NKAIN2: variants seen among roughly 807,000 people sequenced by gnomAD.
NKAIN2 encodes sodium/potassium transporting ATPase interacting 2, also known as sodium/potassium-transporting ATPase subunit beta-1-interacting protein 2.
Under a neutral mutation model 32.6 loss-of-function variants are expected in NKAIN2, and 14 were observed. The ratio of observed to expected loss-of-function variants is 0.43; its 90% CI spans 0.28 to 0.67. The LOEUF is 0.67. Among genes scored for constraint, NKAIN2 ranks in the 30% least tolerant of loss-of-function variants. The pLI is 0.17. For synonymous variants in NKAIN2, 80 were observed against 87.2 expected, an observed-to-expected ratio of 0.92 and a Z score of 0.46; for missense variants, 198 against 258.3, an observed-to-expected ratio of 0.77 and a Z score of 1.60.
Position 124,396,428 on chromosome 6 carries a change from T to TA in NKAIN2, c.273+41095dup, listed in dbSNP as rs529161089. ...TAATGAATAAGACCTGCTATTTGAT[T>TA]AAAAAAAAAAAAAAGAAAAGAAAAA... On this transcript the variant is annotated intron_variant, in intron 3 of 6. Transcript: ENST00000368417. Among the ~76,000 whole-genome samples the TA allele has an allele frequency of 5.9e-3, 759 of 129,532 alleles. 7 individuals carry two copies. The highest frequency in any genetic ancestry group is 0.014 in the African/African-American group (509 of 35,234). 85.0% of individuals were successfully genotyped at this position (129,532 alleles called of 152,430 possible). A position where few individuals can be genotyped will look rare whatever the true frequency, so the allele number is the denominator to read the frequency against.
At chr6:124,731,333 T>C (rs907431276) in intron 4 of NKAIN2, among the ~76,000 whole-genome samples, 55 of 151,700 alleles carry the variant, frequency 3.6e-4, no homozygotes, top group African/African-American at 1.3e-3. Context: ...AATGATAGAC[T>C]GGATTAAGAA....
At chr6:124,737,364 C>G (rs1209897062) in intron 4 of NKAIN2, among the ~76,000 whole-genome samples, 1 of 151,814 alleles carries the variant, frequency 6.6e-6, no homozygotes, top group Non-Finnish European at 1.5e-5. Flanking sequence ...CTTGCTGCCA[C>G]CATGTGAAGA....
chr6:124,465,701 A>T (rs1056604021), intron 3 of NKAIN2, among the ~76,000 whole-genome samples: 1 of 151,972 alleles, frequency 6.6e-6, no homozygotes, highest in African/African-American at 2.4e-5. Context: ...ATTGTGCTAT[A>T]GAAACTACAT....
intron 1 of NKAIN2, among the ~76,000 whole-genome samples, chr6:124,044,158 G>A (rs1782010904): frequency 6.6e-6 from 1 of 151,942 alleles, no homozygotes. Flanking sequence ...TAATCTCTAG[G>A]ACTTCTCCAC....
chr6:124,298,182 T>A (rs1384869667), intron 2 of NKAIN2, among the ~76,000 whole-genome samples: 1 of 152,254 alleles, frequency 6.6e-6, no homozygotes, highest in African/African-American at 2.4e-5. Context: ...ATAAAAAAAA[T>A]TACTGAAATA....
intron 1 of NKAIN2, among the ~76,000 whole-genome samples, chr6:124,239,246 A>G (rs1459391703): frequency 2.0e-5 from 3 of 152,188 alleles, no homozygotes; most frequent in Non-Finnish European, 4.4e-5. Flanking sequence ...AACCAGATTC[A>G]TAAAGCAAGT....
chr6:124,801,376 G>C (rs937628035), intron 5 of NKAIN2, among the ~76,000 whole-genome samples: 3 of 152,120 alleles, frequency 2.0e-5, no homozygotes, highest in African/African-American at 7.2e-5. Flanking sequence ...AATATTAGTG[G>C]TCACCTACTG....
At chr6:124,013,073 T>G (rs965839823) in intron 1 of NKAIN2, among the ~76,000 whole-genome samples, 1 of 152,228 alleles carries the variant, frequency 6.6e-6, no homozygotes. Flanking sequence ...TCCATTTCCT[T>G]AATAACTAAC....
At chr6:124,390,080 G>A (rs1057042975) in intron 3 of NKAIN2, among the ~76,000 whole-genome samples, 1 of 152,056 alleles carries the variant, frequency 6.6e-6, no homozygotes, top group South Asian at 2.1e-4. Flanking sequence ...GCTCTGAAAA[G>A]GTACAGTGTT....
intron 1 of NKAIN2, among the ~76,000 whole-genome samples, chr6:123,831,778 C>T (rs959994434): frequency 6.6e-6 from 1 of 151,830 alleles, no homozygotes; most frequent in Admixed American, 6.6e-5. Context: ...GCCTCAGCCT[C>T]CCAAGTAGCT....
intron 3 of NKAIN2, among the ~76,000 whole-genome samples, chr6:124,417,691 A>C (rs1450075170): frequency 6.6e-6 from 1 of 152,154 alleles, no homozygotes; most frequent in Non-Finnish European, 1.5e-5. Flanking sequence ...CTCTTTGTAG[A>C]ACTCATAGGC....
At chr6:124,444,479 T>A (rs1775811412) in intron 3 of NKAIN2, among the ~76,000 whole-genome samples, 1 of 152,048 alleles carries the variant, frequency 6.6e-6, no homozygotes, top group African/African-American at 2.4e-5. Flanking sequence ...GCTTTCAATA[T>A]GCCTTTAAAC....
intron 3 of NKAIN2, among the ~76,000 whole-genome samples, chr6:124,444,396 A>C (rs764006199): frequency 1.4e-4 from 22 of 152,056 alleles, no homozygotes; most frequent in Non-Finnish European, 2.5e-4. Context: ...ATCCAGACTC[A>C]TGTTTAACTA....
At chr6:123,833,442 A>C (rs1774468557) in intron 1 of NKAIN2, among the ~76,000 whole-genome samples, 1 of 152,118 alleles carries the variant, frequency 6.6e-6, no homozygotes. Flanking sequence ...CTTTAGAATC[A>C]ATTTGTTGAT....
intron 1 of NKAIN2, among the ~76,000 whole-genome samples, chr6:124,064,647 G>A (rs1263844911): frequency 6.6e-6 from 1 of 151,972 alleles, no homozygotes; most frequent in African/African-American, 2.4e-5. Context: ...ATCTGTATGT[G>A]GTAACATTTG....
intron 3 of NKAIN2, among the ~76,000 whole-genome samples, chr6:124,374,090 A>G (rs1355474471): frequency 1.3e-5 from 2 of 152,094 alleles, no homozygotes; most frequent in African/African-American, 4.8e-5. Context: ...CTTAGAGAGG[A>G]TGGAAACCAG....
chr6:123,990,577 G>A (rs1331450866), intron 1 of NKAIN2, among the ~76,000 whole-genome samples: 1 of 152,110 alleles, frequency 6.6e-6, no homozygotes, highest in East Asian at 1.9e-4. Context: ...AGGGGCTAAG[G>A]ACCCAGCTGG....
chr6:123,858,436 T>G (rs2114972795), intron 1 of NKAIN2, among the ~76,000 whole-genome samples: 1 of 152,286 alleles, frequency 6.6e-6, no homozygotes, highest in East Asian at 1.9e-4. Context: ...TCTTTTTAAT[T>G]TTCAAAACCT....
At chr6:124,157,206 G>A (rs1582756811) in intron 1 of NKAIN2, among the ~76,000 whole-genome samples, 1 of 147,066 alleles carries the variant, frequency 6.8e-6, no homozygotes, top group South Asian at 2.2e-4. Context: ...GAAATACCCT[G>A]AAATTAATTA....
Sources: gnomAD v4.1 joint callset for allele counts (sites outside exome capture counted in the v4.1 genomes callset) on GRCh38, gnomAD v4.1.1 for gene constraint, MANE v1.5 for transcripts, NCBI Gene and HGNC (gene_info 2026-07-23, HGNC 2026-07-21) for gene names.